Variants in ZNF536 observed in about 807,000 individuals in gnomAD.
The protein encoded by ZNF536 is zinc finger protein 536.
Under a neutral mutation model 84.5 loss-of-function variants are expected in ZNF536, and 13 were observed. The ratio of observed to expected loss-of-function variants is 0.15; its 90% CI spans 0.10 to 0.24. The LOEUF (loss-of-function observed/expected upper bound fraction) is 0.24. Ranked by LOEUF, ZNF536 falls within the 10% of genes least tolerant of loss-of-function variation. The pLI is 1.00. For missense variants in ZNF536, 1,536 were observed against 1,747.5 expected (o/e 0.88, Z 2.16); for synonymous variants, 811 against 742.5 (o/e 1.09, Z -1.50).
chr19:30,670,786 C>T (rs770752899), intron 1 of ZNF536, among the ~76,000 whole-genome samples: 9 of 152,198 alleles, frequency 5.9e-5, no homozygotes, highest in Non-Finnish European at 7.3e-5. Flanking sequence ...GAGCCATTCC[C>T]GGGTCCATCC....
At chr19:30,485,004 C>T (rs561724289) in intron 2 of ZNF536, among the ~76,000 whole-genome samples, 53 of 151,936 alleles carry the variant, frequency 3.5e-4, no homozygotes, top group African/African-American at 5.6e-4. Flanking sequence ...ATTAGTCGGG[C>T]GTGGTGGCAG....
At chr19:30,250,449 G>T (rs958351397) in intron 1 of ZNF536, among the ~76,000 whole-genome samples, 1 of 152,152 alleles carries the variant, frequency 6.6e-6, no homozygotes, top group Non-Finnish European at 1.5e-5. Flanking sequence ...GTGTGATTTC[G>T]GGTGTTGGGG....
At chr19:30,336,456 AG>A (rs1432204471) in intron 2 of ZNF536, among the ~76,000 whole-genome samples, 1 of 152,228 alleles carries the variant, frequency 6.6e-6, no homozygotes. Flanking sequence ...GCCTTGCCAG[AG>A]GGATTGCATA....
intron 2 of ZNF536, among the ~76,000 whole-genome samples, chr19:30,345,143 C>T (rs1259785318): frequency 1.3e-5 from 2 of 152,240 alleles, no homozygotes; most frequent in Non-Finnish European, 2.9e-5. Flanking sequence ...GTAGGTACTA[C>T]CATCATCCCT....
chr19:30,288,858 A>G (rs1419216018), intron 2 of ZNF536, among the ~76,000 whole-genome samples: 4 of 152,108 alleles, frequency 2.6e-5, no homozygotes, highest in Non-Finnish European at 5.9e-5. Flanking sequence ...CCCTTTCTCC[A>G]TCTTTATTCA....
At chr19:30,393,646 G>A (rs1056590114) in intron 1 of ZNF536, among the ~76,000 whole-genome samples, 14 of 152,152 alleles carry the variant, frequency 9.2e-5, no homozygotes, top group East Asian at 1.9e-4. Flanking sequence ...AGGGAAGAGC[G>A]TTCCAGGCAG....
intron 1 of ZNF536, among the ~76,000 whole-genome samples, chr19:30,430,278 T>G (rs887895478): frequency 1.3e-5 from 2 of 152,188 alleles, no homozygotes; most frequent in Non-Finnish European, 2.9e-5. Flanking sequence ...ATCCATTCAT[T>G]CATTTGTTCC....
chr19:30,573,437 G>T (rs980288404), intron 1 of ZNF536, among the ~76,000 whole-genome samples: 2 of 152,110 alleles, frequency 1.3e-5, no homozygotes, highest in African/African-American at 4.8e-5. Context: ...CTGACCAGTT[G>T]TACGGTAGGA....
chr19:30,549,056 C>G lies in ZNF536; in HGVS notation c.3437C>G (p.Pro1146Arg), dbSNP rs2146234751. Residue 1146 changes from proline to arginine, a missense_variant, in exon 4 of 5, where the codon CCC (proline) becomes CGC (arginine). Physicochemically the swap from Pro to Arg is moderately radical, Grantham distance 103. Around this residue, in one of 8 missense-constraint regions of ZNF536, gnomAD observed 624 missense variants for 603.1 expected, o/e 1.03. Coordinates refer to ENST00000355537, the MANE Select transcript of ZNF536 (RefSeq NM_014717.3). Reference sequence around the variant, plus strand: ...AAGGCCCACTCTGAAGAGGATGTCCCCATCCTGATCCCCGAAACCACGAGT... The same window carrying G: ...AAGGCCCACTCTGAAGAGGATGTCCGCATCCTGATCCCCGAAACCACGAGT... ...DGKAHSEEDV[P>R]ILIPETTSKN... 1 of 1,614,166 alleles carries G rather than the reference C, an allele frequency of 6.2e-7. No individual in the cohort carries two copies. The highest frequency in any genetic ancestry group is 1.6e-4 in the Middle Eastern group (1 of 6,062).
chr19:30,628,502 C>T (rs1306208681), intron 1 of ZNF536, among the ~76,000 whole-genome samples: 1 of 149,934 alleles, frequency 6.7e-6, no homozygotes. Flanking sequence ...GATCTTGGCT[C>T]ACTGCAAGCT....
intron 1 of ZNF536, among the ~76,000 whole-genome samples, chr19:30,654,275 T>C (rs1400145515): frequency 6.6e-6 from 1 of 152,106 alleles, no homozygotes; most frequent in African/African-American, 2.4e-5. Flanking sequence ...GGCATAGTAA[T>C]CACCCAGTTC....
At chr19:30,253,571 T>C (rs1221225789) in intron 1 of ZNF536, among the ~76,000 whole-genome samples, 1 of 152,226 alleles carries the variant, frequency 6.6e-6, no homozygotes, top group East Asian at 1.9e-4. Context: ...TGTTTTGATT[T>C]GTTTTTCCCA....
intron 1 of ZNF536, among the ~76,000 whole-genome samples, chr19:30,232,718 T>C (rs2023160447): frequency 6.6e-6 from 1 of 152,152 alleles, no homozygotes; most frequent in African/African-American, 2.4e-5. Context: ...AGAGACAAGA[T>C]TCAGATGAGA....
At chr19:30,685,865 G>A (rs377418536) in intron 1 of ZNF536, among the ~76,000 whole-genome samples, 5 of 152,272 alleles carry the variant, frequency 3.3e-5, no homozygotes, top group South Asian at 2.1e-4. Context: ...CTCCTGGAAC[G>A]TCATTTGTTT....
rs12489 is a variant in ZNF536 at position 30,557,325 on chromosome 19, G to A, written c.*161G>A. Reference sequence around the variant, plus strand: ...GCATAGGTATGTGTATACACACGGTGCACCAATCTACAGTATATATAGCAG... The same window carrying A: ...GCATAGGTATGTGTATACACACGGTACACCAATCTACAGTATATATAGCAG... On this transcript the variant is annotated 3_prime_UTR_variant, in exon 5 of 5. Transcript: ENST00000355537. 134,291 of 728,586 alleles carry A rather than the reference G, an allele frequency of 0.18. 14,142 individuals carry two copies. Among genetic ancestry groups the A allele is most frequent in the East Asian group, 0.37 (14,526 of 38,876 alleles). The allele number at this position is 728,586 out of a possible 1,614,324, so 45.1% of individuals were successfully genotyped here.
At chr19:30,619,523 G>A (rs1014090404) in intron 1 of ZNF536, among the ~76,000 whole-genome samples, 3 of 152,156 alleles carry the variant, frequency 2.0e-5, no homozygotes, top group Non-Finnish European at 2.9e-5. Context: ...CCCAGAGAAG[G>A]GAGAGAGCAA....
intron 1 of ZNF536, among the ~76,000 whole-genome samples, chr19:30,254,465 C>T (rs1046250710): frequency 2.0e-5 from 3 of 151,816 alleles, no homozygotes; most frequent in Non-Finnish European, 4.4e-5. Flanking sequence ...GGAACACAGC[C>T]CGCCTTATTG....
At chr19:30,334,433 A>G (rs1329697959) in intron 2 of ZNF536, among the ~76,000 whole-genome samples, 1 of 152,206 alleles carries the variant, frequency 6.6e-6, no homozygotes, top group East Asian at 1.9e-4. Flanking sequence ...TGCTTCTCAG[A>G]CAAGGAGAGT....
chr19:30,581,933 C>T (rs987799753), intron 1 of ZNF536, among the ~76,000 whole-genome samples: 1 of 152,080 alleles, frequency 6.6e-6, no homozygotes, highest in African/African-American at 2.4e-5. Context: ...AGCGAGACTC[C>T]TCTGTGTAAA....
Sources: gnomAD v4.1 joint callset for allele counts (sites outside exome capture counted in the v4.1 genomes callset) on GRCh38, gnomAD v4.1.1 for gene constraint, gnomAD v4.1.1 regional missense constraint, MANE v1.5 for transcripts, NCBI Gene and HGNC (gene_info 2026-07-23, HGNC 2026-07-21) for gene names.